NELL1: variants seen among roughly 807,000 people sequenced by gnomAD.
NELL1 encodes the protein neural EGFL like 1.
Under a neutral mutation model 107.4 loss-of-function variants are expected in NELL1, and 76 were observed. That is an observed-to-expected ratio of 0.71 (90% CI 0.59 to 0.86). The LOEUF (loss-of-function observed/expected upper bound fraction) is 0.86, where lower values mean the gene tolerates loss of function less well. Among genes scored for constraint, NELL1 ranks in the 40% least tolerant of loss-of-function variants. NELL1 has a pLI of 0.00. For missense variants in NELL1, 1,024 were observed against 1,005.5 expected, an observed-to-expected ratio of 1.02 and a Z score of -0.25; for synonymous variants, 353 against 341.2, an observed-to-expected ratio of 1.03 and a Z score of -0.38.
chr11:21,230,328 A>G (rs1412726067), intron 14 of NELL1, among the ~76,000 whole-genome samples: 5 of 152,002 alleles, frequency 3.3e-5, no homozygotes, highest in Non-Finnish European at 7.4e-5. Context: ...CCTGGTGTTT[A>G]GATATTATCT....
chr11:21,249,029 T>G (rs1158338442), intron 14 of NELL1, among the ~76,000 whole-genome samples: 1 of 152,178 alleles, frequency 6.6e-6, no homozygotes, highest in Non-Finnish European at 1.5e-5. Context: ...CTGGGGGGCC[T>G]CTATACCCAG....
chr11:21,113,441 A>G lies in NELL1; in HGVS notation c.1301-148A>G. 4.0e-6 allele frequency: 3 copies of G among 755,048 alleles called. No homozygotes were observed. The Admixed American group carries it at 9.5e-5, about 24-fold the overall frequency. The allele number at this position is 755,048 out of a possible 1,614,324, so 46.8% of individuals were successfully genotyped here. A position where few individuals can be genotyped will look rare whatever the true frequency, so the allele number is the denominator to read the frequency against. On this transcript the variant is annotated intron_variant, in intron 12 of 19. Coordinates refer to ENST00000357134, the MANE Select transcript of NELL1 (RefSeq NM_006157.5). ...GATGGGATCTAACGTACCAAGCTGA[A>G]TTTTCACCTAAGCTTTTGTGTTTAA...
chr11:21,532,417 G>C (rs886880987), intron 15 of NELL1, among the ~76,000 whole-genome samples: 11 of 152,274 alleles, frequency 7.2e-5, no homozygotes, highest in Admixed American at 4.6e-4. Context: ...ATTGAATTTA[G>C]GGCTGAAGGA....
At chr11:21,161,662 A>G (rs1856373496) in intron 13 of NELL1, among the ~76,000 whole-genome samples, 1 of 152,152 alleles carries the variant, frequency 6.6e-6, no homozygotes, top group Non-Finnish European at 1.5e-5. Context: ...TTATTAACCA[A>G]ATTTTTTAAA....
chr11:20,922,783 T>A (rs1382149203), intron 7 of NELL1, among the ~76,000 whole-genome samples: 2 of 152,178 alleles, frequency 1.3e-5, no homozygotes, highest in Non-Finnish European at 2.9e-5. Context: ...CTTGGATATT[T>A]ATAGCTTTGA....
intron 14 of NELL1, among the ~76,000 whole-genome samples, chr11:21,329,956 A>G (rs1850234528): frequency 6.6e-6 from 1 of 152,152 alleles, no homozygotes; most frequent in Non-Finnish European, 1.5e-5. Flanking sequence ...ATTTCTATAT[A>G]TAGCTTAATG....
intron 3 of NELL1, among the ~76,000 whole-genome samples, chr11:20,826,302 T>C (rs1452229112): frequency 6.6e-6 from 1 of 151,288 alleles, no homozygotes; most frequent in Non-Finnish European, 1.5e-5. Flanking sequence ...TAGTCCTTGA[T>C]GATTCAGTCC....
chr11:21,268,697 G>T (rs931811409), intron 14 of NELL1, among the ~76,000 whole-genome samples: 2 of 152,118 alleles, frequency 1.3e-5, no homozygotes, highest in Non-Finnish European at 2.9e-5. Context: ...ATTACAAAAG[G>T]TCTGTTTATT....
intron 15 of NELL1, among the ~76,000 whole-genome samples, chr11:21,460,694 G>T (rs1002286621): frequency 6.6e-6 from 1 of 151,938 alleles, no homozygotes; most frequent in Admixed American, 6.6e-5. Context: ...TAGGCATCTG[G>T]TTGCTAGAAT....
At chr11:21,537,874 T>TTTTA (rs1342309896) in intron 16 of NELL1, among the ~76,000 whole-genome samples, 1 of 152,136 alleles carries the variant, frequency 6.6e-6, no homozygotes, top group Non-Finnish European at 1.5e-5. Flanking sequence ...ACCATGAGTC[T>TTTTA]TTTATTTAAA....
At chr11:21,129,364 AAAAATAG>A (rs1855562676) in intron 13 of NELL1, among the ~76,000 whole-genome samples, 1 of 152,188 alleles carries the variant, frequency 6.6e-6, no homozygotes, top group Non-Finnish European at 1.5e-5. Context: ...AAAAATAGAA[AAAAATAG>A]AAAATAGAAT....
chr11:21,491,636 T>C (rs367561818), intron 15 of NELL1, among the ~76,000 whole-genome samples: 12 of 152,094 alleles, frequency 7.9e-5, no homozygotes, highest in Admixed American at 5.2e-4. Context: ...TAGCATGATG[T>C]CTCCAGCTTT....
At chr11:21,478,596 G>A (rs1277721175) in intron 15 of NELL1, among the ~76,000 whole-genome samples, 1 of 151,888 alleles carries the variant, frequency 6.6e-6, no homozygotes, top group East Asian at 1.9e-4. Context: ...CATTGGGGAA[G>A]CTTTCCAGGA....
At position 21,503,815 on chromosome 11, in the gene NELL1, A is replaced by G. The variant is rs956072334; in HGVS notation, c.1646-30559A>G. On this transcript the variant is annotated intron_variant, in intron 15 of 19. Transcript: ENST00000357134. Reference sequence around the variant, plus strand: ...ATACTATTCTTTGCTTGCCTAGCCTAGTCCCTAATTATGAGCTGTTTCATA... The same window carrying G: ...ATACTATTCTTTGCTTGCCTAGCCTGGTCCCTAATTATGAGCTGTTTCATA... Among the ~76,000 whole-genome samples, 8 of 151,726 alleles carry G rather than the reference A, an allele frequency of 5.3e-5. No homozygotes were observed. The East Asian group carries it at 5.8e-4, about 11-fold the overall frequency.
intron 2 of NELL1, among the ~76,000 whole-genome samples, chr11:20,755,464 G>A (rs566015756): frequency 1.1e-4 from 17 of 151,704 alleles, no homozygotes; most frequent in African/African-American, 1.5e-4. Context: ...TCTTCCAAGG[G>A]GTCTAACACC....
chr11:21,398,790 CT>C, intron 15 of NELL1, among the ~76,000 whole-genome samples: 1 of 151,836 alleles, frequency 6.6e-6, no homozygotes, highest in Admixed American at 6.6e-5. Context: ...ATATTAATAT[CT>C]TCCTGATTTA....
chr11:20,793,054 C>T (rs1319595585), intron 3 of NELL1, among the ~76,000 whole-genome samples: 4 of 151,476 alleles, frequency 2.6e-5, no homozygotes, highest in Admixed American at 6.6e-5. Context: ...TACATGTAAA[C>T]ATAATTAGAA....
chr11:21,418,815 G>C (rs575606833), intron 15 of NELL1, among the ~76,000 whole-genome samples: 1 of 152,074 alleles, frequency 6.6e-6, no homozygotes, highest in Non-Finnish European at 1.5e-5. Context: ...TGAAGATAGC[G>C]TGTCCAAAAT....
At chr11:21,414,535 CCCT>C (rs1490579473) in intron 15 of NELL1, among the ~76,000 whole-genome samples, 7 of 41,340 alleles carry the variant, frequency 1.7e-4, no homozygotes, top group African/African-American at 5.9e-4. Context: ...AATGGACTCT[CCCT>C]CCGGTGTACT....
Sources: allele counts gnomAD v4.1 joint callset (sites outside exome capture counted in the v4.1 genomes callset), GRCh38; gene constraint gnomAD v4.1.1; transcripts MANE v1.5; gene names NCBI Gene and HGNC (gene_info 2026-07-23, HGNC 2026-07-21).